The following PIK3R1 variants were observed in gnomAD, a reference collection of about 807,000 sequenced individuals.
The protein encoded by PIK3R1 is phosphoinositide-3-kinase regulatory subunit 1.
A neutral mutation model predicts 98.0 loss-of-function variants in PIK3R1; 29 were observed. The observed-to-expected ratio is 0.30, with a 90% CI of 0.22 to 0.40. The LOEUF (loss-of-function observed/expected upper bound fraction) is 0.40. Ranked by LOEUF, PIK3R1 falls within the 10% of genes least tolerant of loss-of-function variation. The pLI is 1.00. For synonymous variants in PIK3R1, 282 were observed against 311.8 expected, an observed-to-expected ratio of 0.90 and a Z score of 1.01; for missense variants, 596 against 872.7, an observed-to-expected ratio of 0.68 and a Z score of 3.99.
intron 1 of PIK3R1, chr5:68,217,653 T>TGTGTGTGCGCGCGCGCGCGCGC (rs1386976488): frequency 4.7e-5 from 7 of 149,396 alleles, no homozygotes; most frequent in African/African-American, 1.7e-4. Context: ...TGTGTGTGTG[T>TGTGTGTGCGCGCGCGCGCGCGC]GCGCGCGCGT....
At chr5:68,281,318 ATTTT>A (rs1027079183) in intron 7 of PIK3R1, among the ~76,000 whole-genome samples, 5 of 152,170 alleles carry the variant, frequency 3.3e-5, no homozygotes, top group African/African-American at 1.2e-4. Context: ...AGTTGTTGAC[ATTTT>A]TGTTTTTCTT....
chr5:68,299,732 A>T lies in PIK3R1; in HGVS notation c.*2131A>T. 1 of 233,210 alleles carries T rather than the reference A, an allele frequency of 4.3e-6. No homozygotes were observed. Among genetic ancestry groups the T allele is most frequent in the East Asian group, 6.0e-5 (1 of 16,562 alleles). The allele number at this position is 233,210 out of a possible 1,614,324, so 14.4% of individuals were successfully genotyped here. A position where few individuals can be genotyped will look rare whatever the true frequency, so the allele number is the denominator to read the frequency against. On this transcript the variant is annotated 3_prime_UTR_variant, in exon 16 of 16. Coordinates refer to ENST00000521381, the MANE Select transcript of PIK3R1 (RefSeq NM_181523.3). ...TTTTTAATGTTGTTCCTTTTGAAAG[A>T]ATCAGTCTTGCAGCTGAGTGAAAAA...
At chr5:68,288,302 C>A in intron 7 of PIK3R1, 1 of 572,852 alleles carries the variant, frequency 1.7e-6, no homozygotes, top group Non-Finnish European at 2.3e-6. Flanking sequence ...TTGGGCTCCC[C>A]TCCCCCTCCC....
At position 68,237,554 on chromosome 5, in the gene PIK3R1, G is replaced by A. The variant is rs60939697; in HGVS notation, c.334+10545G>A. ...TGAGTGCCAGCAGAACTTCTCGAATGCGAAGTTGAGAAATTTTACTTATTT... is the reference window on the plus strand; with the variant it reads ...TGAGTGCCAGCAGAACTTCTCGAATACGAAGTTGAGAAATTTTACTTATTT... On this transcript the variant is annotated intron_variant, in intron 2 of 15. Coordinates refer to ENST00000521381, the MANE Select transcript of PIK3R1 (RefSeq NM_181523.3). Among the ~76,000 whole-genome samples, 1,012 of 150,646 alleles carry A rather than the reference G, an allele frequency of 6.7e-3. 13 individuals are homozygous for A. Among genetic ancestry groups the A allele is most frequent in the African/African-American group, 0.023 (942 of 40,864 alleles).
chr5:68,262,553 ATAC>A lies in PIK3R1; in HGVS notation c.335-10836_335-10834del, dbSNP rs1561277881. 5.5e-4 allele frequency among the ~76,000 whole-genome samples: 80 copies of A among 145,646 alleles called. 2 individuals carry two copies. The highest frequency in any genetic ancestry group is 1.9e-3 in the African/African-American group (75 of 39,366). On this transcript the variant is annotated intron_variant, in intron 2 of 15. Transcript: ENST00000521381. ...AGCTATATAGATACATATCTAATGT[ATAC>A]ATGTATACACATGTACCTACATGTA...
intron 2 of PIK3R1, among the ~76,000 whole-genome samples, chr5:68,232,583 A>T (rs1744524316): frequency 6.6e-6 from 1 of 152,210 alleles, no homozygotes; most frequent in Non-Finnish European, 1.5e-5. Context: ...AGCTGCGGTG[A>T]CAGTTAAGTC....
At chr5:68,279,360 T>A (rs1746720638) in intron 4 of PIK3R1, among the ~76,000 whole-genome samples, 1 of 152,130 alleles carries the variant, frequency 6.6e-6, no homozygotes, top group Non-Finnish European at 1.5e-5. Flanking sequence ...GGGTCAGGCA[T>A]CCTAAGTGCT....
At position 68,300,786 on chromosome 5, in the gene PIK3R1, T is replaced by G; in HGVS notation, c.*3185T>G. 4.3e-6 allele frequency: 1 copy of G among 233,296 alleles called. No individual in the cohort carries two copies. The highest frequency in any genetic ancestry group is 8.5e-6 in the Non-Finnish European group (1 of 118,056). 14.5% of individuals were successfully genotyped at this position (233,296 alleles called of 1,614,324 possible). ...ATTTTTCCCTTTGAGGTTGCTTTGTTTTGTCTTACAAAGGTGAAAATTGTT... is the reference window on the plus strand; with the variant it reads ...ATTTTTCCCTTTGAGGTTGCTTTGTGTTGTCTTACAAAGGTGAAAATTGTT... On this transcript the variant is annotated 3_prime_UTR_variant, in exon 16 of 16. Coordinates refer to ENST00000521381, the MANE Select transcript of PIK3R1 (RefSeq NM_181523.3).
chr5:68,293,914 G>T (rs906031257), intron 11 of PIK3R1, 80 bp downstream of exon 11: 13 of 1,177,070 alleles, frequency 1.1e-5, no homozygotes, highest in South Asian at 2.9e-5. Context: ...GAATTTAAAA[G>T]GTTGAGTTTT....
In PIK3R1 at chr5:68,273,470, A is replaced by G. The variant is rs1434103946; in HGVS notation, c.415A>G (p.Ile139Val). The change falls in exon 3 of 16, where the codon ATT becomes GTT. Residue 139 changes from isoleucine to valine, a missense_variant. Physicochemically the swap from Ile to Val is conservative, Grantham distance 29. Coordinates refer to ENST00000521381, the MANE Select transcript of PIK3R1 (RefSeq NM_181523.3). ...PPLLIKLVEA[I>V]EKKGLECSTL... ...TCTTCTTATCAAGCTCGTGGAAGCC[A>G]TTGAAAAGAAAGGTAACCAGACTGC... is the stretch of plus-strand genomic sequence containing the variant. 1 of 1,613,912 alleles carries G rather than the reference A, an allele frequency of 6.2e-7. No individual in the cohort carries two copies. Among genetic ancestry groups the G allele is most frequent in the South Asian group, 1.1e-5 (1 of 91,062 alleles).
chr5:68,259,476 CTAT>C (rs1336591859), intron 2 of PIK3R1, among the ~76,000 whole-genome samples: 1 of 152,156 alleles, frequency 6.6e-6, no homozygotes, highest in Non-Finnish European at 1.5e-5. Context: ...GAAGGCATGA[CTAT>C]GGAAACAGTG....
intron 2 of PIK3R1, among the ~76,000 whole-genome samples, chr5:68,269,076 T>C (rs760711798): frequency 1.7e-4 from 26 of 152,126 alleles, no homozygotes; most frequent in Non-Finnish European, 2.9e-4. Context: ...AGTTCATTGG[T>C]GTTCTGGTCA....
intron 15 of PIK3R1, 38 bp downstream of exon 15, chr5:68,296,379 A>G (rs182605532): frequency 4.3e-6 from 6 of 1,404,928 alleles, no homozygotes; most frequent in Non-Finnish European, 6.0e-6. Flanking sequence ...ACAACATCTC[A>G]TGAAGAGATG....
chr5:68,234,968 T>A (rs1275818215), intron 2 of PIK3R1, among the ~76,000 whole-genome samples: 1 of 152,206 alleles, frequency 6.6e-6, no homozygotes. Context: ...AGCCTGCTAC[T>A]GGTTTTTGGT....
chr5:68,237,499 C>T (rs1217702782), intron 2 of PIK3R1, among the ~76,000 whole-genome samples: 1 of 151,286 alleles, frequency 6.6e-6, no homozygotes, highest in Non-Finnish European at 1.5e-5. Flanking sequence ...GACAGTGTGA[C>T]ATTGCCCAGA....
intron 2 of PIK3R1, among the ~76,000 whole-genome samples, chr5:68,245,704 A>G (rs1745056449): frequency 6.6e-6 from 1 of 152,240 alleles, no homozygotes; most frequent in African/African-American, 2.4e-5. Flanking sequence ...GAAAAAAATT[A>G]CTTTTTAGAC....
At chr5:68,225,187 C>G (rs1744228028) in intron 1 of PIK3R1, among the ~76,000 whole-genome samples, 2 of 151,824 alleles carry the variant, frequency 1.3e-5, no homozygotes, top group Admixed American at 1.3e-4. Flanking sequence ...CCTTGACTTT[C>G]CTTCCTCAGT....
chr5:68,288,150 C>T (rs1300268232), intron 7 of PIK3R1, among the ~76,000 whole-genome samples: 2 of 152,192 alleles, frequency 1.3e-5, no homozygotes, highest in Admixed American at 6.5e-5. Flanking sequence ...CTGTCGGCTA[C>T]TTGAGCCCCG....
intron 7 of PIK3R1, chr5:68,290,762 G>C: frequency 6.2e-7 from 1 of 1,613,696 alleles, no homozygotes; most frequent in Non-Finnish European, 8.5e-7. Flanking sequence ...GGAAGACCTG[G>C]ATTTAGAATA....
Sources: allele counts gnomAD v4.1 joint callset (sites outside exome capture counted in the v4.1 genomes callset), GRCh38; gene constraint gnomAD v4.1.1; transcripts MANE v1.5; gene names NCBI Gene and HGNC (gene_info 2026-07-23, HGNC 2026-07-21).